The following PLCE1 variants were observed in gnomAD, a reference collection of about 807,000 sequenced individuals.
PLCE1 encodes the protein phospholipase C epsilon 1, also known as 1-phosphatidylinositol 4,5-bisphosphate phosphodiesterase epsilon-1.
A neutral mutation model predicts 242.8 loss-of-function variants in PLCE1; 119 were observed. That is an observed-to-expected ratio of 0.49 (90% CI 0.42 to 0.57). The LOEUF (loss-of-function observed/expected upper bound fraction) is 0.57, where lower values mean the gene tolerates loss of function less well. PLCE1 is among the 20% of genes least tolerant of loss of function. PLCE1 has a pLI of 0.00. For synonymous variants in PLCE1, 945 were observed against 1,017.4 expected (o/e 0.93, Z 1.35); for missense variants, 2,441 against 2,788.8 (o/e 0.88, Z 2.81).
At chr10:94,117,351 C>T (rs2046164128) in intron 2 of PLCE1, among the ~76,000 whole-genome samples, 1 of 152,200 alleles carries the variant, frequency 6.6e-6, no homozygotes. Context: ...GTGGCCCCAG[C>T]AAGTCCTTTT....
At chr10:94,122,877 G>T (rs1165690564) in intron 2 of PLCE1, among the ~76,000 whole-genome samples, 2 of 152,204 alleles carry the variant, frequency 1.3e-5, no homozygotes, top group Admixed American at 6.5e-5. Flanking sequence ...CCAAGAATTT[G>T]CAGTTCCAAC....
At chr10:94,194,818 G>A (rs1269385037) in intron 4 of PLCE1, among the ~76,000 whole-genome samples, 1 of 152,228 alleles carries the variant, frequency 6.6e-6, no homozygotes, top group Non-Finnish European at 1.5e-5. Flanking sequence ...AACTAATGAT[G>A]ATGATAATAA....
intron 19 of PLCE1, chr10:94,279,533 G>A: frequency 5.7e-6 from 3 of 523,596 alleles, no homozygotes; most frequent in Non-Finnish European, 1.0e-5. Flanking sequence ...TGGCTAGCTG[G>A]GCACTGCACA....
intron 2 of PLCE1, among the ~76,000 whole-genome samples, chr10:94,036,624 C>T (rs1371509134): frequency 6.6e-6 from 1 of 152,170 alleles, no homozygotes; most frequent in Admixed American, 6.5e-5. Flanking sequence ...TACAGTCATA[C>T]TCCCTCTCTC....
intron 2 of PLCE1, chr10:94,100,111 C>T (rs1453633264): frequency 5.3e-5 from 8 of 152,164 alleles, no homozygotes; most frequent in Non-Finnish European, 1.0e-4. Flanking sequence ...ATCTCACTTT[C>T]TTTCCAGGTA....
intron 4 of PLCE1, among the ~76,000 whole-genome samples, chr10:94,192,605 A>G (rs1311432861): frequency 6.6e-6 from 1 of 152,102 alleles, no homozygotes; most frequent in Non-Finnish European, 1.5e-5. Context: ...GCTTGATTCC[A>G]TGTTTTCCTA....
At chr10:94,280,300 T>C in intron 20 of PLCE1, 1 of 294,566 alleles carries the variant, frequency 3.4e-6, no homozygotes, top group Non-Finnish European at 6.5e-6. Flanking sequence ...CACGGCTCTG[T>C]GCTCTCTGTT....
intron 3 of PLCE1, among the ~76,000 whole-genome samples, chr10:94,150,050 A>G (rs1418754308): frequency 6.6e-6 from 1 of 152,164 alleles, no homozygotes; most frequent in Non-Finnish European, 1.5e-5. Context: ...TATGTGTATA[A>G]ATGACCTATT....
At chr10:94,238,847 A>G (rs1369760720) in intron 7 of PLCE1, among the ~76,000 whole-genome samples, 2 of 152,068 alleles carry the variant, frequency 1.3e-5, no homozygotes, top group African/African-American at 4.8e-5. Context: ...CTTAAGAAGG[A>G]TTTGTACATT....
intron 3 of PLCE1, among the ~76,000 whole-genome samples, chr10:94,161,757 G>A (rs986533081): frequency 2.0e-5 from 3 of 152,110 alleles, no homozygotes; most frequent in Non-Finnish European, 2.9e-5. Context: ...AATGCTTCCA[G>A]TTTTTGCCCA....
intron 22 of PLCE1, among the ~76,000 whole-genome samples, chr10:94,290,921 A>G (rs1001426134): frequency 5.3e-5 from 8 of 152,192 alleles, no homozygotes; most frequent in African/African-American, 1.9e-4. Context: ...GTAATGTGTT[A>G]TGCTATGGAT....
At chr10:94,149,929 G>A (rs1207197589) in intron 3 of PLCE1, among the ~76,000 whole-genome samples, 5 of 152,128 alleles carry the variant, frequency 3.3e-5, no homozygotes, top group Admixed American at 2.6e-4. Context: ...GTATCTTCTT[G>A]TATTTTTTAT....
At chr10:94,143,518 A>G (rs1300518969) in intron 3 of PLCE1, among the ~76,000 whole-genome samples, 2 of 152,238 alleles carry the variant, frequency 1.3e-5, no homozygotes, top group Non-Finnish European at 2.9e-5. Flanking sequence ...AGAACATAAT[A>G]AAATGCTTAT....
rs573381729 is a variant in PLCE1, at chr10:94,118,125, A to G, written c.1207-14049A>G. On this transcript the variant is annotated intron_variant, in intron 2 of 32. Coordinates refer to ENST00000371380, the MANE Select transcript of PLCE1 (RefSeq NM_016341.4). ...TTTAAAAAAAGTTTTGTTAACTTTA[A>G]AAGAAGTTACAATTTTTTTAAACTT... Among the ~76,000 whole-genome samples the G allele has an allele frequency of 2.2e-4, 33 of 152,224 alleles. 1 individual carries two copies. Among genetic ancestry groups the G allele is most frequent in the Non-Finnish European group, 4.0e-4 (27 of 68,036 alleles).
chr10:94,079,362 A>AG (rs1364099010), intron 2 of PLCE1, among the ~76,000 whole-genome samples: 1 of 152,070 alleles, frequency 6.6e-6, no homozygotes, highest in Non-Finnish European at 1.5e-5. Flanking sequence ...AAAAGCATTG[A>AG]GTTATATTTA....
Position 94,235,970 on chromosome 10 carries a change from G to A in PLCE1, c.2270G>A (p.Gly757Asp). The A allele has an allele frequency of 6.2e-7, 1 of 1,614,012 alleles. No homozygotes were observed. The highest frequency in any genetic ancestry group is 8.5e-7 in the Non-Finnish European group (1 of 1,179,926). The change falls in exon 7 of 33, where the codon GGC (glycine) becomes GAC (aspartate). Residue 757 changes from glycine to aspartate, a missense_variant. Physicochemically the swap from Gly to Asp is moderately conservative, Grantham distance 94. Transcript: ENST00000371380. ...TTCTTACAACGAGTGGGACAAAATG[G>A]CTTAAAGAATTCGGAGAAGGAGTCC... The part of the protein sequence containing the change: ...DNFLQRVGQN[G>D]LKNSEKESTV...
chr10:94,220,797 C>G (rs1314162207), intron 4 of PLCE1, among the ~76,000 whole-genome samples: 1 of 152,064 alleles, frequency 6.6e-6, no homozygotes, highest in East Asian at 1.9e-4. Context: ...AACAGTATGC[C>G]CATTTTACTG....
intron 4 of PLCE1, among the ~76,000 whole-genome samples, chr10:94,221,474 C>T (rs556537631): frequency 5.9e-5 from 9 of 152,336 alleles, no homozygotes; most frequent in South Asian, 2.1e-4. Flanking sequence ...CAGTGGCTCA[C>T]GCCTGGAATC....
chr10:94,280,094 A>G lies in PLCE1; in HGVS notation c.4795+183A>G, dbSNP rs184181238. The G allele has an allele frequency of 5.9e-4, 379 of 640,436 alleles. No homozygotes were observed. The African/African-American group carries it at 6.1e-3, about 10-fold the overall frequency. The allele number at this position is 640,436 out of a possible 1,614,324, so 39.7% of individuals were successfully genotyped here. A position where few individuals can be genotyped will look rare whatever the true frequency, so the allele number is the denominator to read the frequency against. ...AGGAAGGAGGGGATTCTGTTAGCCA[A>G]CACTTACAGAAAGAAGAGGCAGGTG... On this transcript the variant is annotated intron_variant, in intron 20 of 32. Transcript: ENST00000371380.
Sources: gnomAD v4.1 joint callset for allele counts (sites outside exome capture counted in the v4.1 genomes callset) on GRCh38, gnomAD v4.1.1 for gene constraint, MANE v1.5 for transcripts, NCBI Gene and HGNC (gene_info 2026-07-23, HGNC 2026-07-21) for gene names.